The following PLD5 variants were observed in gnomAD, a reference collection of about 807,000 sequenced individuals.
The protein encoded by PLD5 is phospholipase D family member 5.
PLD5 carries 36 observed loss-of-function variants against 61.1 expected under a neutral mutation model. The observed-to-expected ratio is 0.59, with a 90% CI of 0.45 to 0.78. The LOEUF (loss-of-function observed/expected upper bound fraction) is 0.78. PLD5 is among the 30% of genes least tolerant of loss of function. PLD5 has a pLI of 0.00. For synonymous variants in PLD5, 243 were observed against 242.8 expected (o/e 1.00, Z -0.01); for missense variants, 515 against 644.4 (o/e 0.80, Z 2.17).
chr1:242,526,230 A>G (rs554674989), upstream of PLD5, among the ~76,000 whole-genome samples: 1 of 152,022 alleles, frequency 6.6e-6, no homozygotes, highest in African/African-American at 2.4e-5. Flanking sequence ...ACTAAAAATA[A>G]AATAAATTAG....
rs1392594456 is a variant in PLD5 at position 242,268,249 on chromosome 1, ATCTCACG to A, written c.496-2808_496-2802del. ...ATTTCCCGAACCTAAACTCGTGGTC[ATCTCACG>A]TTCACGTAAGTTGTTTGTATTTTTC... is the stretch of plus-strand genomic sequence containing the variant. On this transcript the variant is annotated intron_variant, in intron 3 of 9. Coordinates refer to ENST00000536534, the MANE Select transcript of PLD5 (RefSeq NM_001372062.1). Among the ~76,000 whole-genome samples, 44 of 152,334 alleles carry A rather than the reference ATCTCACG, an allele frequency of 2.9e-4. 2 individuals carry two copies. The East Asian group carries it at 8.5e-3, about 29-fold the overall frequency.
At chr1:242,509,532 C>T (rs889720353) in intron 1 of PLD5, among the ~76,000 whole-genome samples, 6 of 152,196 alleles carry the variant, frequency 3.9e-5, no homozygotes, top group African/African-American at 1.4e-4. Flanking sequence ...CTTTCTTCCT[C>T]CTTTACACTT....
intron 5 of PLD5, among the ~76,000 whole-genome samples, chr1:242,151,284 T>C (rs1253550494): frequency 6.6e-6 from 1 of 151,984 alleles, no homozygotes; most frequent in Non-Finnish European, 1.5e-5. Context: ...TGTGATCATA[T>C]TCTTTATGCC....
At chr1:242,175,717 A>C (rs1412954149) in intron 5 of PLD5, among the ~76,000 whole-genome samples, 1 of 152,228 alleles carries the variant, frequency 6.6e-6, no homozygotes, top group African/African-American at 2.4e-5. Context: ...CTCAGTGCAA[A>C]ATCTCCTTAA....
At chr1:242,164,120 G>A (rs1470237755) in intron 5 of PLD5, among the ~76,000 whole-genome samples, 2 of 150,458 alleles carry the variant, frequency 1.3e-5, no homozygotes, top group African/African-American at 2.5e-5. Flanking sequence ...TTGGGTAAAG[G>A]AAGTCAAACT....
chr1:242,509,497 T>C (rs1668836008), intron 1 of PLD5, among the ~76,000 whole-genome samples: 1 of 152,248 alleles, frequency 6.6e-6, no homozygotes, highest in Admixed American at 6.5e-5. Flanking sequence ...GGATATTCCA[T>C]CTGTTCCATG....
At chr1:242,379,286 G>A (rs1418021413) in intron 1 of PLD5, among the ~76,000 whole-genome samples, 1 of 152,092 alleles carries the variant, frequency 6.6e-6, no homozygotes, top group Middle Eastern at 3.2e-3. Flanking sequence ...CTACCCTTCA[G>A]ATGGCTCACA....
At chr1:242,181,616 T>TTAAAG (rs1667520222) in intron 5 of PLD5, among the ~76,000 whole-genome samples, 1 of 152,074 alleles carries the variant, frequency 6.6e-6, no homozygotes, top group Admixed American at 6.6e-5. Flanking sequence ...ATGAAGGGCT[T>TTAAAG]TAAAGTACCA....
intron 4 of PLD5, among the ~76,000 whole-genome samples, chr1:242,255,099 C>G (rs930115975): frequency 6.6e-6 from 1 of 152,074 alleles, no homozygotes; most frequent in Non-Finnish European, 1.5e-5. Flanking sequence ...TGGGCCATTA[C>G]CAGAGCAGAC....
At chr1:242,162,976 CCTGCAGCTTTCA>C (rs1360350348) in intron 5 of PLD5, among the ~76,000 whole-genome samples, 2 of 151,966 alleles carry the variant, frequency 1.3e-5, no homozygotes, top group African/African-American at 4.8e-5. Flanking sequence ...AGGCAGAAAT[CCTGCAGCTTTCA>C]TACCCAGTTC....
At chr1:242,404,419 G>C (rs1420724046) in intron 1 of PLD5, among the ~76,000 whole-genome samples, 1 of 152,106 alleles carries the variant, frequency 6.6e-6, no homozygotes, top group East Asian at 1.9e-4. Context: ...ATCATTTTCA[G>C]TTCTCATCAA....
intron 1 of PLD5, among the ~76,000 whole-genome samples, chr1:242,485,500 T>C (rs113640577): frequency 7.5e-4 from 114 of 152,106 alleles, no homozygotes; most frequent in Admixed American, 1.9e-3. Context: ...AGGAATCCAA[T>C]TTACAAGGGA....
At chr1:242,279,828 G>C (rs940472805) in intron 3 of PLD5, among the ~76,000 whole-genome samples, 2 of 152,140 alleles carry the variant, frequency 1.3e-5, no homozygotes, top group Non-Finnish European at 2.9e-5. Flanking sequence ...CACCACGCCC[G>C]GCATCTCCTT....
intron 1 of PLD5, among the ~76,000 whole-genome samples, chr1:242,519,055 C>T (rs1217750568): frequency 1.3e-5 from 2 of 152,312 alleles, no homozygotes; most frequent in East Asian, 1.9e-4. Context: ...AGGAAATGAT[C>T]CCAGTAAATG....
Position 242,405,603 on chromosome 1 carries a change from CT to C in PLD5, c.190-57362del, listed in dbSNP as rs57665543. Among the ~76,000 whole-genome samples, 588 of 145,466 alleles carry C rather than the reference CT, an allele frequency of 4.0e-3. 2 individuals carry two copies. The highest frequency in any genetic ancestry group is 8.8e-3 in the African/African-American group (347 of 39,600). On this transcript the variant is annotated intron_variant, in intron 1 of 9. Transcript: ENST00000536534. Reference sequence around the variant, plus strand: ...CATATGAAACTGCCAATATTTGATACTTTTTTTTTTTTTTTGAGATGGAGTT... The same window carrying C: ...CATATGAAACTGCCAATATTTGATACTTTTTTTTTTTTTTGAGATGGAGTT...
intron 5 of PLD5, among the ~76,000 whole-genome samples, chr1:242,172,478 A>G (rs1239920336): frequency 6.6e-6 from 1 of 152,184 alleles, no homozygotes; most frequent in Non-Finnish European, 1.5e-5. Flanking sequence ...CTAGAGAAGC[A>G]AGAGCAAACA....
chr1:242,293,159 T>C (rs1290105025), intron 2 of PLD5, among the ~76,000 whole-genome samples: 2 of 151,858 alleles, frequency 1.3e-5, no homozygotes, highest in African/African-American at 2.4e-5. Flanking sequence ...GAGAATAGAG[T>C]CAAAGCCAAA....
At chr1:242,313,114 C>A (rs1265148089) in intron 2 of PLD5, among the ~76,000 whole-genome samples, 6 of 152,198 alleles carry the variant, frequency 3.9e-5, no homozygotes, top group Non-Finnish European at 8.8e-5. Flanking sequence ...GTAGGAAAAT[C>A]TCAATAAACT....
chr1:242,388,428 G>C (rs527804332), intron 1 of PLD5, among the ~76,000 whole-genome samples: 121 of 152,246 alleles, frequency 7.9e-4, no homozygotes, highest in Admixed American at 2.0e-3. Context: ...ACTACCTAAG[G>C]ACTCAGTCAA....
Sources: gnomAD v4.1 joint callset for allele counts (sites outside exome capture counted in the v4.1 genomes callset) on GRCh38, gnomAD v4.1.1 for gene constraint, MANE v1.5 for transcripts, NCBI Gene and HGNC (gene_info 2026-07-23, HGNC 2026-07-21) for gene names.